LRCH2: variants seen among roughly 807,000 people sequenced by gnomAD.
The protein encoded by LRCH2 is leucine-rich repeat and calponin homology domain-containing protein 2.
Under a neutral mutation model 68.9 loss-of-function variants are expected in LRCH2, and 38 were observed. That is an observed-to-expected ratio of 0.55 (90% CI 0.43 to 0.72). LRCH2 has a LOEUF of 0.72. LRCH2 is among the 30% of genes least tolerant of loss of function. The pLI, the probability that LRCH2 is intolerant of heterozygous loss-of-function variation, is 0.00. For missense variants in LRCH2, 528 were observed against 572.9 expected, an observed-to-expected ratio of 0.92 and a Z score of 0.80; for synonymous variants, 191 against 208.1, an observed-to-expected ratio of 0.92 and a Z score of 0.71.
chrX:115,214,916 C>T (rs868919593), intron 1 of LRCH2, among the ~76,000 whole-genome samples: 154 of 111,979 alleles, frequency 1.4e-3, no homozygotes, highest in African/African-American at 4.4e-3. Context: ...GTAAGTTTTT[C>T]AGTTTCACCA....
intron 1 of LRCH2, among the ~76,000 whole-genome samples, chrX:115,193,635 A>G (rs1476658588): frequency 1.8e-5 from 2 of 112,064 alleles, no homozygotes; most frequent in African/African-American, 6.5e-5. Flanking sequence ...TACTTAGGAC[A>G]TTATAGCAGT....
chrX:115,228,114 A>G (rs1043912296), intron 1 of LRCH2, among the ~76,000 whole-genome samples: 31 of 112,466 alleles, frequency 2.8e-4, no homozygotes, highest in African/African-American at 1.0e-3. Context: ...ATTAAACATT[A>G]CAGTTTGACC....
At chrX:115,144,031 C>T (rs1250440097) in intron 14 of LRCH2, among the ~76,000 whole-genome samples, 2 of 111,582 alleles carry the variant, frequency 1.8e-5, no homozygotes, top group Non-Finnish European at 3.8e-5. Flanking sequence ...ATGGGAGATA[C>T]CAGTGGGAGG....
intron 1 of LRCH2, among the ~76,000 whole-genome samples, chrX:115,209,586 G>A (rs1244363391): frequency 8.9e-6 from 1 of 111,957 alleles, no homozygotes; most frequent in Non-Finnish European, 1.9e-5. Flanking sequence ...GCATGAAAAT[G>A]AACTAATACA....
At chrX:115,118,096 C>T (rs2072099423) in intron 20 of LRCH2, among the ~76,000 whole-genome samples, 1 of 110,231 alleles carries the variant, frequency 9.1e-6, no homozygotes, top group Admixed American at 9.8e-5. Context: ...GTAGTGAATG[C>T]TTGTAATCCC....
intron 1 of LRCH2, among the ~76,000 whole-genome samples, chrX:115,227,696 T>C (rs782182528): frequency 9.4e-6 from 1 of 106,792 alleles, no homozygotes; most frequent in South Asian, 4.3e-4. Flanking sequence ...TACTAGATTC[T>C]CTTAGGAACA....
chrX:115,141,945 A>G (rs182077534), intron 14 of LRCH2, among the ~76,000 whole-genome samples: 6 of 110,882 alleles, frequency 5.4e-5, no homozygotes, highest in Admixed American at 9.6e-5. Flanking sequence ...GAAGATACAC[A>G]TAGACTGAGA....
intron 3 of LRCH2, among the ~76,000 whole-genome samples, chrX:115,181,854 T>G (rs2072693937): frequency 9.0e-6 from 1 of 111,725 alleles, no homozygotes; most frequent in South Asian, 3.7e-4. Context: ...TATCCATGGG[T>G]TCTGCATCCA....
intron 14 of LRCH2, among the ~76,000 whole-genome samples, chrX:115,133,550 C>T (rs999255118): frequency 8.0e-5 from 9 of 112,002 alleles, no homozygotes; most frequent in African/African-American, 2.9e-4. Flanking sequence ...CTATTGGTGT[C>T]ATTTTTCCAA....
rs1026083131 is a variant in LRCH2 at position 115,190,374 on chromosome X, C to T, written c.350-2004G>A. ...CCCTCAAGAGCTACGGAGGCCCATG[C>T]GGCGCTGCCCCTGTGTGGGGGACAC... On this transcript the variant is annotated intron_variant, in intron 1 of 20. Transcript: ENST00000317135. 12 of 1,161,634 alleles carry T rather than the reference C, an allele frequency of 1.0e-5. No homozygotes were observed. In the East Asian group the frequency reaches 2.3e-4, roughly 22 times the overall value.
intron 14 of LRCH2, among the ~76,000 whole-genome samples, chrX:115,147,555 A>G (rs781790923): frequency 1.8e-5 from 2 of 111,812 alleles, no homozygotes; most frequent in South Asian, 3.7e-4. Flanking sequence ...TTCAAATATT[A>G]TATCATTTGA....
chrX:115,191,823 C>T (rs782352209), intron 1 of LRCH2: 5 of 1,150,399 alleles, frequency 4.3e-6, no homozygotes, highest in Non-Finnish European at 5.8e-6. Context: ...GCGGAGGCCG[C>T]TCACCCAATG....
intron 1 of LRCH2, among the ~76,000 whole-genome samples, chrX:115,210,094 AT>A (rs1288970689): frequency 8.9e-6 from 1 of 111,926 alleles, no homozygotes; most frequent in Non-Finnish European, 1.9e-5. Flanking sequence ...AGAAAATCCC[AT>A]TTTCTGAGGA....
chrX:115,186,033 T>C, intron 2 of LRCH2, among the ~76,000 whole-genome samples: 1 of 112,171 alleles, frequency 8.9e-6, no homozygotes, highest in Non-Finnish European at 1.9e-5. Context: ...AGGCCAAAAA[T>C]AGCTTAAAAA....
intron 2 of LRCH2, 64 bp downstream of exon 2, chrX:115,188,162 T>G (rs1603070150): frequency 2.4e-6 from 2 of 820,535 alleles, no homozygotes; most frequent in East Asian, 7.3e-5. Flanking sequence ...CATATTCCTT[T>G]GCGACTAAAA....
intron 1 of LRCH2, chrX:115,190,806 C>A: frequency 8.6e-7 from 1 of 1,157,286 alleles, no homozygotes. Flanking sequence ...ACAGTGGGGG[C>A]CATGACAGTT....
intron 15 of LRCH2, among the ~76,000 whole-genome samples, chrX:115,127,154 G>A (rs904108640): frequency 1.8e-5 from 2 of 110,622 alleles, no homozygotes; most frequent in African/African-American, 3.3e-5. Flanking sequence ...ACCCTCAAGT[G>A]GTTCGAAATA....
chrX:115,133,038 A>C (rs1325173768), intron 14 of LRCH2, among the ~76,000 whole-genome samples: 17 of 111,789 alleles, frequency 1.5e-4, no homozygotes, highest in African/African-American at 5.5e-4. Flanking sequence ...CAAAAAACAC[A>C]AGAAAAAAAT....
rs184047280 is a variant in LRCH2, at chrX:115,166,559, T to A, written c.999-217A>T. Among the ~76,000 whole-genome samples, 809 of 111,236 alleles carry A rather than the reference T, an allele frequency of 7.3e-3. 4 individuals are homozygous for A. The highest frequency in any genetic ancestry group is 0.011 in the Non-Finnish European group (598 of 52,648). On this transcript the variant is annotated intron_variant, in intron 6 of 20. Transcript: ENST00000317135. ...TGTTCCCTTCGTGTACTCTATAGTG[T>A]CAATTGTCAACAATAACCTATTATT...
Sources: allele counts gnomAD v4.1 joint callset (sites outside exome capture counted in the v4.1 genomes callset), GRCh38; gene constraint gnomAD v4.1.1; transcripts MANE v1.5; gene names NCBI Gene and HGNC (gene_info 2026-07-23, HGNC 2026-07-21).